Variants in ROBO1 observed in about 807,000 individuals in gnomAD.
ROBO1 encodes roundabout guidance receptor 1.
Under a neutral mutation model 195.9 loss-of-function variants are expected in ROBO1, and 149 were observed. That is an observed-to-expected ratio of 0.76 (90% CI 0.67 to 0.87). The LOEUF (loss-of-function observed/expected upper bound fraction) is 0.87, where lower values mean the gene tolerates loss of function less well. Ranked by LOEUF, ROBO1 falls within the 40% of genes least tolerant of loss-of-function variation. ROBO1 has a pLI of 0.00. For synonymous variants in ROBO1, 816 were observed against 733.2 expected (o/e 1.11, Z -1.82); for missense variants, 1,933 against 2,068.3 (o/e 0.93, Z 1.27).
At chr3:79,403,455 AAACT>A (rs2037437181) in intron 2 of ROBO1, among the ~76,000 whole-genome samples, 1 of 152,026 alleles carries the variant, frequency 6.6e-6, no homozygotes, top group South Asian at 2.1e-4. Flanking sequence ...ATGCTGTCCA[AAACT>A]AACTGAGTTC....
At chr3:79,609,627 TAAAC>T (rs1944593556) in intron 1 of ROBO1, among the ~76,000 whole-genome samples, 1 of 151,770 alleles carries the variant, frequency 6.6e-6, no homozygotes, top group Non-Finnish European at 1.5e-5. Flanking sequence ...GGTGAACAAA[TAAAC>T]AAAATGTGGT....
intron 4 of ROBO1, among the ~76,000 whole-genome samples, chr3:78,905,362 G>A (rs2037838565): frequency 6.6e-6 from 1 of 152,124 alleles, no homozygotes; most frequent in Non-Finnish European, 1.5e-5. Flanking sequence ...ATGGGATTGG[G>A]TGCAGTGGCT....
intron 1 of ROBO1, among the ~76,000 whole-genome samples, chr3:79,703,769 T>C (rs1294225406): frequency 6.6e-6 from 1 of 151,980 alleles, no homozygotes; most frequent in Admixed American, 6.6e-5. Flanking sequence ...TGAAATTATT[T>C]TAAACTTTTG....
At chr3:78,736,303 G>A (rs941044356) in intron 5 of ROBO1, among the ~76,000 whole-genome samples, 3 of 152,096 alleles carry the variant, frequency 2.0e-5, no homozygotes, top group Non-Finnish European at 4.4e-5. Context: ...ACATAAGACA[G>A]ACATGAGGAA....
intron 1 of ROBO1, among the ~76,000 whole-genome samples, chr3:79,615,854 G>A (rs1242533902): frequency 6.6e-6 from 1 of 152,168 alleles, no homozygotes; most frequent in Non-Finnish European, 1.5e-5. Flanking sequence ...TATAAAAATA[G>A]TGCAAGTTTT....
chr3:78,884,172 T>C (rs1341467916), intron 4 of ROBO1, among the ~76,000 whole-genome samples: 1 of 152,316 alleles, frequency 6.6e-6, no homozygotes, highest in African/African-American at 2.4e-5. Context: ...AATGTTATTA[T>C]ACAGCTAATG....
At chr3:79,284,176 C>T (rs1308264623) in intron 2 of ROBO1, among the ~76,000 whole-genome samples, 2 of 151,622 alleles carry the variant, frequency 1.3e-5, no homozygotes, top group South Asian at 2.1e-4. Flanking sequence ...CTAGATATGT[C>T]GATGTTCTTT....
At chr3:79,554,918 T>C (rs1942645326) in intron 2 of ROBO1, among the ~76,000 whole-genome samples, 2 of 152,056 alleles carry the variant, frequency 1.3e-5, no homozygotes, top group East Asian at 1.9e-4. Context: ...ATCTGGCGTG[T>C]AGAAGATAAA....
At chr3:78,878,632 T>C (rs1286763580) in intron 4 of ROBO1, among the ~76,000 whole-genome samples, 2 of 150,996 alleles carry the variant, frequency 1.3e-5, no homozygotes, top group East Asian at 3.9e-4. Context: ...ACCTGTATTT[T>C]TAACTACCTT....
At chr3:79,048,026 G>C (rs1438119152) in intron 3 of ROBO1, among the ~76,000 whole-genome samples, 3 of 152,206 alleles carry the variant, frequency 2.0e-5, no homozygotes, top group Middle Eastern at 3.4e-3. Context: ...AATAGAAACA[G>C]CCTTATTTCT....
chr3:79,209,724 A>G (rs879816331), intron 2 of ROBO1, among the ~76,000 whole-genome samples: 1 of 152,084 alleles, frequency 6.6e-6, no homozygotes, highest in African/African-American at 2.4e-5. Flanking sequence ...AAGAGCATCA[A>G]AACTGGAAAA....
At chr3:78,964,993 A>T (rs1053086445) in intron 3 of ROBO1, among the ~76,000 whole-genome samples, 2 of 151,828 alleles carry the variant, frequency 1.3e-5, no homozygotes, top group Admixed American at 6.6e-5. Context: ...GAACGCAAAA[A>T]ATATTGTCAA....
chr3:79,392,741 A>C (rs1402608365), intron 2 of ROBO1, among the ~76,000 whole-genome samples: 2 of 152,206 alleles, frequency 1.3e-5, no homozygotes, highest in Non-Finnish European at 2.9e-5. Flanking sequence ...TCATTTTTTC[A>C]CAGGCAGAGA....
chr3:78,800,706 A>T (rs985755871), intron 4 of ROBO1, among the ~76,000 whole-genome samples: 1 of 151,886 alleles, frequency 6.6e-6, no homozygotes, highest in Non-Finnish European at 1.5e-5. Flanking sequence ...ACAGGCGCCC[A>T]CCACCATGCC....
rs539967186 is a variant in ROBO1 at position 79,081,024 on chromosome 3, A to C, written c.172+44432T>G. Among the ~76,000 whole-genome samples the C allele has an allele frequency of 2.0e-5, 3 of 152,208 alleles. No individual in the cohort carries two copies. The South Asian group carries it at 6.2e-4, about 32-fold the overall frequency. ...AGAGTTATGCCTCACCTTACATGAA[A>C]ATGCTGAAACCATAGAAGAAAATTT... On this transcript the variant is annotated intron_variant, in intron 3 of 30. Coordinates refer to ENST00000464233, the MANE Select transcript of ROBO1 (RefSeq NM_002941.4).
intron 30 of ROBO1, among the ~76,000 whole-genome samples, chr3:78,599,533 A>C (rs544540734): frequency 6.6e-6 from 1 of 152,282 alleles, no homozygotes; most frequent in East Asian, 1.9e-4. Context: ...ACTTTTATTA[A>C]ATTGAGAAAA....
At chr3:79,231,721 C>G (rs922436855) in intron 2 of ROBO1, among the ~76,000 whole-genome samples, 1 of 152,052 alleles carries the variant, frequency 6.6e-6, no homozygotes, top group Non-Finnish European at 1.5e-5. Flanking sequence ...GGTATATACC[C>G]AAAAGGGTAT....
At chr3:78,650,724 A>G (rs1215135049) in intron 19 of ROBO1, among the ~76,000 whole-genome samples, 1 of 152,108 alleles carries the variant, frequency 6.6e-6, no homozygotes, top group Non-Finnish European at 1.5e-5. Flanking sequence ...TTTGCTTTGC[A>G]GCAAAGCAAA....
chr3:78,639,664 G>T, intron 22 of ROBO1, 80 bp downstream of exon 22: 1 of 1,337,120 alleles, frequency 7.5e-7, no homozygotes, highest in Non-Finnish European at 1.0e-6. Context: ...TCTTTCCCAT[G>T]TAGGGAGAGG....
Sources: gnomAD v4.1 joint callset for allele counts (sites outside exome capture counted in the v4.1 genomes callset) on GRCh38, gnomAD v4.1.1 for gene constraint, MANE v1.5 for transcripts, NCBI Gene and HGNC (gene_info 2026-07-23, HGNC 2026-07-21) for gene names.